NLRC5: variants seen among roughly 807,000 people sequenced by gnomAD.
NLRC5 encodes NLR family CARD domain containing 5, also known as protein NLRC5.
In NLRC5, 114 loss-of-function variants were observed where a neutral mutation model predicts 206.9. The observed-to-expected ratio is 0.55, with a 90% CI of 0.47 to 0.64. The LOEUF is 0.64. Among genes scored for constraint, NLRC5 ranks in the 30% least tolerant of loss-of-function variants. The pLI, the probability that NLRC5 is intolerant of heterozygous loss-of-function variation, is 0.00. For synonymous variants in NLRC5, 952 were observed against 962.8 expected (o/e 0.99, Z 0.21); for missense variants, 2,008 against 2,305.5 (o/e 0.87, Z 2.64).
At chr16:57,058,041 G>T (rs1466035328) in intron 27 of NLRC5, 24 bp from the exon 28 acceptor site, 2 of 1,598,570 alleles carry the variant, frequency 1.3e-6, no homozygotes, top group Non-Finnish European at 1.7e-6. Flanking sequence ...TCTGATCCCC[G>T]CCACTGCTCC....
At chr16:57,032,126 G>T (rs1379922930) in intron 11 of NLRC5, among the ~76,000 whole-genome samples, 1 of 152,064 alleles carries the variant, frequency 6.6e-6, no homozygotes, top group Non-Finnish European at 1.5e-5. Context: ...TAGGACCAAT[G>T]TTGCTGGGTG....
rs750082839 is a variant in NLRC5 at position 57,066,665 on chromosome 16, G to A, written c.4322+51G>A. On this transcript the variant is annotated intron_variant, in intron 34 of 48. Coordinates refer to ENST00000688547, the MANE Select transcript of NLRC5 (RefSeq NM_001384950.1). ...AGGCAGGGGCTGGTGTTGGGGAGGG[G>A]GCAGGGCTGCTTCTGACCAATATTC... 2.7e-6 allele frequency: 4 copies of A among 1,504,672 alleles called. No individual in the cohort carries two copies. The African/African-American group carries it at 5.5e-5, about 21-fold the overall frequency. 93.2% of individuals were successfully genotyped at this position (1,504,672 alleles called of 1,614,324 possible).
chr16:57,055,433 C>T lies in NLRC5; in HGVS notation c.3660C>T (p.Gly1220=). The stretch of plus-strand genomic sequence containing the variant: ...GCTTGTCCCCTTTACCTCCGTCCAG[C>T]AGGTTCACAGGCTGCAGCCTCAGCC... The part of the protein sequence containing the change: ...SNEEEEGVCC[G]RFTGCSLSQE... Residue 1220 remains glycine, a splice_region_variant and synonymous_variant, in exon 27 of 49, where the codon GGC becomes GGT. Transcript: ENST00000688547. 6 of 1,613,818 alleles carry T rather than the reference C, an allele frequency of 3.7e-6. No individual in the cohort carries two copies. Among genetic ancestry groups the T allele is most frequent in the Non-Finnish European group, 5.1e-6 (6 of 1,179,836 alleles).
At chr16:56,995,889 CAGTAGG>C (rs756983135) in intron 1 of NLRC5, among the ~76,000 whole-genome samples, 3 of 152,174 alleles carry the variant, frequency 2.0e-5, no homozygotes, top group African/African-American at 4.8e-5. Context: ...AAGACCTATC[CAGTAGG>C]AGTTCACAAG....
intron 35 of NLRC5, 90 bp downstream of exon 35, chr16:57,067,560 C>A (rs2067203331): frequency 7.0e-7 from 1 of 1,424,032 alleles, no homozygotes; most frequent in Non-Finnish European, 9.9e-7. Flanking sequence ...GGCATTCTCA[C>A]TTCCTTGTGC....
At position 57,033,616 on chromosome 16, in the gene NLRC5, G is replaced by T. The variant is rs767751284; in HGVS notation, c.2490G>T (p.Leu830=). Residue 830 remains leucine (L), a synonymous_variant, in exon 12 of 49, where the codon CTG becomes CTT. Transcript: ENST00000688547. ...TTGTTCTTGCCAGAGCTCCAGACCTGCAGGAAAGTGACGGCCAGAGGAAAG... is the reference window on the plus strand; with the variant it reads ...TTGTTCTTGCCAGAGCTCCAGACCTTCAGGAAAGTGACGGCCAGAGGAAAG... ...TTAELQRAPD[L]QESDGQRKGA... 19 of 1,613,998 alleles carry T rather than the reference G, an allele frequency of 1.2e-5. No individual in the cohort carries two copies. The highest frequency in any genetic ancestry group is 1.5e-5 in the Non-Finnish European group (18 of 1,180,014).
In NLRC5 at chr16:57,025,592, G is replaced by C. The variant is rs771286572; in HGVS notation, c.649G>C (p.Val217Leu). The C allele has an allele frequency of 1.2e-6, 2 of 1,614,154 alleles. No homozygotes were observed. Among genetic ancestry groups the C allele is most frequent in the South Asian group, 2.2e-5 (2 of 91,084 alleles). Residue 217 changes from valine (V) to leucine (L), a missense_variant, in exon 6 of 49, where the codon GTT becomes CTT. Physicochemically the swap from Val to Leu is conservative, Grantham distance 32 (BLOSUM62 1). Transcript: ENST00000688547. The stretch of plus-strand genomic sequence containing the variant: ...CATCTCGGACCTCTTCAACACCAGG[G>C]TTAACAAGGGCCCGAGGGTGACCGT... ...VSISDLFNTR[V>L]NKGPRVTVLL...
At chr16:57,007,684 G>A (rs1413136535) in intron 1 of NLRC5, among the ~76,000 whole-genome samples, 7 of 152,112 alleles carry the variant, frequency 4.6e-5, no homozygotes, top group South Asian at 2.1e-4. Context: ...AGTGGAGATC[G>A]TGCCACTGTA....
intron 1 of NLRC5, among the ~76,000 whole-genome samples, chr16:57,011,902 G>A (rs965696853): frequency 2.6e-5 from 4 of 152,158 alleles, no homozygotes; most frequent in Non-Finnish European, 5.9e-5. Flanking sequence ...TCATTGAGGT[G>A]TAATTTACAT....
intron 23 of NLRC5, among the ~76,000 whole-genome samples, chr16:57,048,942 A>T (rs1039560127): frequency 6.6e-6 from 1 of 152,074 alleles, no homozygotes; most frequent in Non-Finnish European, 1.5e-5. Flanking sequence ...TTTAATACTA[A>T]ATTGCCACAG....
chr16:57,020,326 C>T (rs76648417), intron 2 of NLRC5, among the ~76,000 whole-genome samples: 1,766 of 146,816 alleles, frequency 0.012, 35 homozygotes, highest in African/African-American at 0.042. Flanking sequence ...TCCAGCTCAC[C>T]GGTTCCCCAG....
chr16:57,062,023 A>G (rs1347433767), intron 32 of NLRC5: 7 of 1,409,980 alleles, frequency 5.0e-6, no homozygotes, highest in Non-Finnish European at 6.5e-6. Flanking sequence ...GTTCACTATG[A>G]TCATTTTAAA....
At chr16:57,078,856 G>A (rs112259880) in intron 43 of NLRC5, among the ~76,000 whole-genome samples, 194 bp from the exon 44 acceptor site, 13 of 152,244 alleles carry the variant, frequency 8.5e-5, no homozygotes, top group South Asian at 6.2e-4. Flanking sequence ...ACTCATACAC[G>A]AAGGACCCAG....
At chr16:57,052,275 C>A (rs1319353474) in intron 24 of NLRC5, among the ~76,000 whole-genome samples, 1 of 152,102 alleles carries the variant, frequency 6.6e-6, no homozygotes, top group Non-Finnish European at 1.5e-5. Flanking sequence ...GAGTTTGAGA[C>A]CAGCCTGGCC....
At position 57,043,563 on chromosome 16, in the gene NLRC5, G is replaced by C; in HGVS notation, c.3162G>C (p.Arg1054=). The change falls in exon 20 of 49, where the codon CGG becomes CGC. Residue 1054 remains arginine (R), a synonymous_variant. Transcript: ENST00000688547. ...LSLDAVLGLV[R]CFSTLQWLFR... is the part of the protein sequence containing the mutation. ...TGGATGCCGTGTTGGGTTTGGTTCGGTGCTTCTCCACTCTGCAGTGGCTCT... is the reference window on the plus strand; with the variant it reads ...TGGATGCCGTGTTGGGTTTGGTTCGCTGCTTCTCCACTCTGCAGTGGCTCT... 1 of 1,614,162 alleles carries C rather than the reference G, an allele frequency of 6.2e-7. No individual in the cohort carries two copies. Among genetic ancestry groups the C allele is most frequent in the Non-Finnish European group, 8.5e-7 (1 of 1,180,030 alleles).
At chr16:57,055,146 A>G (rs760179490) in intron 26 of NLRC5, 52 bp downstream of exon 26, 1 of 1,593,618 alleles carries the variant, frequency 6.3e-7, no homozygotes, top group African/African-American at 1.3e-5. Context: ...GGGGACCAGT[A>G]GATCTGCCTC....
In NLRC5 at chr16:57,026,538, T is replaced by G; in HGVS notation, c.1595T>G (p.Val532Gly). 6.2e-7 allele frequency: 1 copy of G among 1,614,130 alleles called. No homozygotes were observed. The highest frequency in any genetic ancestry group is 8.5e-7 in the Non-Finnish European group (1 of 1,180,024). Reference sequence around the variant, plus strand: ...CTGCACCTGATGGCCAGCCCCAAGGTGAACAAAGACACACTTACCCAGTAT... The same window carrying G: ...CTGCACCTGATGGCCAGCCCCAAGGGGAACAAAGACACACTTACCCAGTAT... ...AALHLMASPKVNKDTLTQYVT... is the reference protein window; with the variant it reads ...AALHLMASPKGNKDTLTQYVT... Residue 532 changes from valine to glycine, a missense_variant, in exon 6 of 49, where the codon GTG becomes GGG. Transcript: ENST00000688547.
At position 57,025,765 on chromosome 16, in the gene NLRC5, C is replaced by T. The variant is rs201944671; in HGVS notation, c.822C>T (p.Ser274=). Residue 274 remains serine (S), a synonymous_variant, in exon 6 of 49, where the codon TCC becomes TCT. Transcript: ENST00000688547. ...LNLITRFLTP[S]ELLFDLYLSP... ...TGATCACGAGGTTCCTGACACCGTC[C>T]GAGCTCCTTTTTGATCTGTACCTGA... 1.1e-4 allele frequency: 176 copies of T among 1,614,218 alleles called. 2 individuals carry two copies. The Admixed American group carries it at 1.1e-3, about 11-fold the overall frequency.
intron 24 of NLRC5, 89 bp from the exon 25 acceptor site, chr16:57,054,662 G>T (rs2065365306): frequency 1.2e-6 from 1 of 846,146 alleles, no homozygotes; most frequent in South Asian, 1.3e-5. Flanking sequence ...TGAGCTGCTA[G>T]CCCTCCCCAC....
Sources: gnomAD v4.1 joint callset for allele counts (sites outside exome capture counted in the v4.1 genomes callset) on GRCh38, gnomAD v4.1.1 for gene constraint, MANE v1.5 for transcripts, NCBI Gene and HGNC (gene_info 2026-07-23, HGNC 2026-07-21) for gene names.